Variants in NTRK3 observed in about 807,000 individuals in gnomAD.
The protein encoded by NTRK3 is NT-3 growth factor receptor.
A neutral mutation model predicts 91.7 loss-of-function variants in NTRK3; 24 were observed. The observed-to-expected ratio is 0.26, with a 90% CI of 0.19 to 0.37. The LOEUF is 0.37. Among genes scored for constraint, NTRK3 ranks in the 10% least tolerant of loss-of-function variants. NTRK3 has a pLI of 1.00. For missense variants in NTRK3, 880 were observed against 1,068.9 expected (o/e 0.82, Z 2.46); for synonymous variants, 483 against 404.0 (o/e 1.20, Z -2.34).
chr15:87,918,405 T>C (rs915879533), intron 17 of NTRK3, among the ~76,000 whole-genome samples: 9 of 152,184 alleles, frequency 5.9e-5, no homozygotes, highest in African/African-American at 1.9e-4. Flanking sequence ...CTTCCATAGA[T>C]CCTTAGTTTC....
Position 87,871,831 on chromosome 15 carries a change from G to A in NTRK3, c.*5104C>T, listed in dbSNP as rs186107366. 5 of 221,080 alleles carry A rather than the reference G, an allele frequency of 2.3e-5. No homozygotes were observed. The Admixed American group carries it at 2.9e-4, about 13-fold the overall frequency. 13.7% of individuals were successfully genotyped at this position (221,080 alleles called of 1,614,324 possible). A position where few individuals can be genotyped will look rare whatever the true frequency, so the allele number is the denominator to read the frequency against. On this transcript the variant is annotated 3_prime_UTR_variant, in exon 19 of 19. Transcript: ENST00000394480. Reference sequence around the variant, plus strand: ...AAATAAACACACAACGTACATATATGTATACTTTCTTTAGAAGACACTCCC... The same window carrying A: ...AAATAAACACACAACGTACATATATATATACTTTCTTTAGAAGACACTCCC...
chr15:88,056,737 C>T (rs2045727998), intron 13 of NTRK3, among the ~76,000 whole-genome samples: 1 of 152,236 alleles, frequency 6.6e-6, no homozygotes, highest in Non-Finnish European at 1.5e-5. Context: ...TTGGCACTTT[C>T]TCAGTATCTC....
At chr15:88,228,628 A>G (rs2050891260) in intron 3 of NTRK3, among the ~76,000 whole-genome samples, 1 of 152,132 alleles carries the variant, frequency 6.6e-6, no homozygotes, top group Admixed American at 6.5e-5. Flanking sequence ...CCCACAGCAC[A>G]TGACCCCAGT....
chr15:88,166,541 G>C (rs2044973660), intron 5 of NTRK3, among the ~76,000 whole-genome samples: 1 of 152,210 alleles, frequency 6.6e-6, no homozygotes, highest in Admixed American at 6.5e-5. Flanking sequence ...AGGGCTCCCT[G>C]GGCTCTGGCC....
intron 17 of NTRK3, among the ~76,000 whole-genome samples, chr15:87,910,006 G>T (rs546221063): frequency 6.6e-6 from 1 of 152,150 alleles, no homozygotes; most frequent in Non-Finnish European, 1.5e-5. Flanking sequence ...GAACACAGAG[G>T]GCCTCATGCA....
At chr15:88,139,486 G>C (rs1210968915) in intron 6 of NTRK3, among the ~76,000 whole-genome samples, 1 of 152,178 alleles carries the variant, frequency 6.6e-6, no homozygotes, top group African/African-American at 2.4e-5. Flanking sequence ...AAAACGTGAG[G>C]CTCCTGGGGA....
intron 14 of NTRK3, among the ~76,000 whole-genome samples, chr15:87,969,802 T>C (rs190555448): frequency 1.3e-5 from 2 of 152,168 alleles, no homozygotes; most frequent in African/African-American, 2.4e-5. Flanking sequence ...TTGAGATCAA[T>C]TTCAGAAAAT....
At chr15:88,167,055 C>A (rs185564585) in intron 5 of NTRK3, among the ~76,000 whole-genome samples, 24 of 152,138 alleles carry the variant, frequency 1.6e-4, no homozygotes, top group African/African-American at 4.8e-4. Context: ...GCCAGCATTT[C>A]CAAAGCACCT....
intron 13 of NTRK3, among the ~76,000 whole-genome samples, chr15:88,098,067 A>G (rs1227159064): frequency 6.6e-6 from 1 of 152,252 alleles, no homozygotes; most frequent in Non-Finnish European, 1.5e-5. Flanking sequence ...ATAAAAATCT[A>G]TCTTTTCCTC....
intron 3 of NTRK3, among the ~76,000 whole-genome samples, chr15:88,197,887 A>G (rs2141236795): frequency 6.6e-6 from 1 of 152,254 alleles, no homozygotes; most frequent in East Asian, 1.9e-4. Flanking sequence ...ATAATGAAAA[A>G]AAATAACAGC....
intron 14 of NTRK3, among the ~76,000 whole-genome samples, chr15:88,004,238 G>C (rs2076326551): frequency 6.6e-6 from 1 of 152,110 alleles, no homozygotes; most frequent in South Asian, 2.1e-4. Context: ...TGATCTCCAA[G>C]AGGGACTATG....
chr15:88,090,925 C>A (rs569780169), intron 13 of NTRK3, among the ~76,000 whole-genome samples: 1 of 152,294 alleles, frequency 6.6e-6, no homozygotes, highest in South Asian at 2.1e-4. Context: ...ACCTGGTGCA[C>A]GGCCATGCGT....
At chr15:87,979,527 AAAG>A (rs1172898465) in intron 14 of NTRK3, 1 of 1,085,508 alleles carries the variant, frequency 9.2e-7, no homozygotes, top group African/African-American at 1.6e-5. Context: ...CAAAACCCCC[AAAG>A]AAGATCAAAA....
chr15:88,112,596 C>T (rs1280372918), intron 13 of NTRK3, among the ~76,000 whole-genome samples: 2 of 152,204 alleles, frequency 1.3e-5, no homozygotes, highest in Non-Finnish European at 2.9e-5. Context: ...TCTCCATGGG[C>T]TTTAAGCAGG....
chr15:88,153,378 G>C (rs1210666110), intron 5 of NTRK3, among the ~76,000 whole-genome samples: 1 of 152,070 alleles, frequency 6.6e-6, no homozygotes. Flanking sequence ...GAGTAGCTGG[G>C]ATTAAAGGCA....
intron 14 of NTRK3, among the ~76,000 whole-genome samples, chr15:87,983,672 T>C (rs1267279395): frequency 1.3e-5 from 2 of 152,194 alleles, no homozygotes; most frequent in Non-Finnish European, 2.9e-5. Flanking sequence ...TGAATCCAGC[T>C]CTTCATACCT....
intron 17 of NTRK3, among the ~76,000 whole-genome samples, chr15:87,902,541 CAG>C (rs2066516337): frequency 6.6e-6 from 1 of 152,010 alleles, no homozygotes; most frequent in Non-Finnish European, 1.5e-5. Flanking sequence ...GGAAAGAAGT[CAG>C]AGTAGAGATG....
At chr15:88,078,693 T>G (rs1431625386) in intron 13 of NTRK3, among the ~76,000 whole-genome samples, 1 of 152,050 alleles carries the variant, frequency 6.6e-6, no homozygotes, top group Non-Finnish European at 1.5e-5. Context: ...GTGAGGTAAG[T>G]GAAGGCCTCT....
intron 3 of NTRK3, among the ~76,000 whole-genome samples, chr15:88,229,009 C>T (rs1046533772): frequency 6.6e-6 from 1 of 152,186 alleles, no homozygotes; most frequent in African/African-American, 2.4e-5. Context: ...ATCTGCCCCT[C>T]ACCAGGACAT....
Sources: allele counts gnomAD v4.1 joint callset (sites outside exome capture counted in the v4.1 genomes callset), GRCh38; gene constraint gnomAD v4.1.1; transcripts MANE v1.5; gene names NCBI Gene and HGNC (gene_info 2026-07-23, HGNC 2026-07-21).